Variants in BBS9 observed in about 807,000 individuals in gnomAD.
BBS9 encodes the protein protein PTHB1.
A neutral mutation model predicts 117.7 loss-of-function variants in BBS9; 89 were observed. The observed-to-expected ratio is 0.76, with a 90% CI of 0.64 to 0.90. The LOEUF (loss-of-function observed/expected upper bound fraction) is 0.90. Ranked by LOEUF, BBS9 falls within the 40% of genes least tolerant of loss-of-function variation. The pLI is 0.00. For missense variants in BBS9, 982 were observed against 1,042.2 expected (o/e 0.94, Z 0.80); for synonymous variants, 379 against 370.9 (o/e 1.02, Z -0.25).
In BBS9 at chr7:33,534,303, C is replaced by T. The variant is rs1400203127; in HGVS notation, c.2521+127C>T. ...ATGATAGCCAAGAAAATTGATTTCA[C>T]GTTTCCCCTCTGACATCCCAGGGTA... On this transcript the variant is annotated intron_variant, in intron 21 of 22. Transcript: ENST00000242067. 23 of 1,009,876 alleles carry T rather than the reference C, an allele frequency of 2.3e-5. No homozygotes were observed. The East Asian group carries it at 2.6e-4, about 11-fold the overall frequency. The allele number at this position is 1,009,876 out of a possible 1,614,324, so 62.6% of individuals were successfully genotyped here. A position where few individuals can be genotyped will look rare whatever the true frequency, so the allele number is the denominator to read the frequency against.
At chr7:33,424,786 T>C (rs1395296401) in intron 19 of BBS9, among the ~76,000 whole-genome samples, 1 of 152,124 alleles carries the variant, frequency 6.6e-6, no homozygotes, top group Non-Finnish European at 1.5e-5. Flanking sequence ...AATGGAAATG[T>C]ACTTCCTTGT....
intron 19 of BBS9, among the ~76,000 whole-genome samples, chr7:33,465,199 G>A (rs1371151203): frequency 6.6e-6 from 1 of 150,470 alleles, no homozygotes; most frequent in Non-Finnish European, 1.5e-5. Context: ...TGCTTTGGAG[G>A]TAATACTTTT....
chr7:33,463,883 A>C (rs1466764880), intron 19 of BBS9, among the ~76,000 whole-genome samples: 1 of 152,114 alleles, frequency 6.6e-6, no homozygotes, highest in Non-Finnish European at 1.5e-5. Flanking sequence ...TTATGTGGGT[A>C]TATGAAAACT....
At chr7:33,587,111 G>T (rs1188847271) in intron 21 of BBS9, among the ~76,000 whole-genome samples, 1 of 152,020 alleles carries the variant, frequency 6.6e-6, no homozygotes, top group Non-Finnish European at 1.5e-5. Flanking sequence ...GAGACCCAGG[G>T]TCAGGTGAAG....
rs140019445 is a variant in BBS9 at position 33,151,300 on chromosome 7, G to T, written c.113-1401G>T. Reference sequence around the variant, plus strand: ...CAATTCCAAATATGCTTGCATGTTTGCATGCCTGCAGTTTATTTTCTAGTG... The same window carrying T: ...CAATTCCAAATATGCTTGCATGTTTTCATGCCTGCAGTTTATTTTCTAGTG... On this transcript the variant is annotated intron_variant, in intron 2 of 22. Coordinates refer to ENST00000242067, the MANE Select transcript of BBS9 (RefSeq NM_198428.3). Among the ~76,000 whole-genome samples the T allele has an allele frequency of 2.0e-4, 31 of 151,990 alleles. No individual in the cohort carries two copies. In the East Asian group the frequency reaches 5.8e-3, roughly 28 times the overall value.
intron 1 of BBS9, among the ~76,000 whole-genome samples, chr7:33,145,720 T>G (rs1344355338): frequency 6.6e-6 from 1 of 152,148 alleles, no homozygotes; most frequent in African/African-American, 2.4e-5. Context: ...GATTGAAACC[T>G]GTGGATATGG....
At chr7:33,239,037 A>G (rs1299690656) in intron 5 of BBS9, among the ~76,000 whole-genome samples, 1 of 152,154 alleles carries the variant, frequency 6.6e-6, no homozygotes, top group Non-Finnish European at 1.5e-5. Context: ...AAAGCTTTTG[A>G]CGCATACTTT....
At chr7:33,494,537 C>G (rs1246332249) in intron 19 of BBS9, among the ~76,000 whole-genome samples, 1 of 152,140 alleles carries the variant, frequency 6.6e-6, no homozygotes, top group Non-Finnish European at 1.5e-5. Context: ...GTGGTAAACC[C>G]AATGAATAAC....
At chr7:33,470,587 C>G (rs1840871370) in intron 19 of BBS9, among the ~76,000 whole-genome samples, 1 of 152,112 alleles carries the variant, frequency 6.6e-6, no homozygotes, top group African/African-American at 2.4e-5. Context: ...GATGAATTCT[C>G]TATTTTCAAA....
intron 21 of BBS9, among the ~76,000 whole-genome samples, chr7:33,614,685 A>G (rs1266637865): frequency 6.6e-6 from 1 of 152,100 alleles, no homozygotes. Flanking sequence ...GGAGGCCCAG[A>G]GTGGACAGGT....
At chr7:33,494,346 A>C (rs1287914075) in intron 19 of BBS9, among the ~76,000 whole-genome samples, 1 of 152,210 alleles carries the variant, frequency 6.6e-6, no homozygotes, top group East Asian at 1.9e-4. Context: ...TCTAGAGTGC[A>C]CTTAAAACTG....
chr7:33,381,362 T>C (rs1824996023), intron 17 of BBS9, among the ~76,000 whole-genome samples: 1 of 152,190 alleles, frequency 6.6e-6, no homozygotes, highest in Non-Finnish European at 1.5e-5. Context: ...CCAAGTCTCC[T>C]GGGAGCTCCT....
intron 21 of BBS9, among the ~76,000 whole-genome samples, chr7:33,555,024 A>T (rs1031098294): frequency 5.3e-5 from 8 of 152,206 alleles, no homozygotes; most frequent in African/African-American, 1.2e-4. Context: ...TCTACCTGAG[A>T]TTCGTATAAA....
chr7:33,225,134 T>C (rs1469890397), intron 5 of BBS9, among the ~76,000 whole-genome samples: 2 of 152,200 alleles, frequency 1.3e-5, no homozygotes, highest in Admixed American at 1.3e-4. Flanking sequence ...GTTTTCATAT[T>C]ATAATAAACT....
intron 21 of BBS9, among the ~76,000 whole-genome samples, chr7:33,567,602 C>T (rs1205294579): frequency 6.6e-6 from 1 of 152,066 alleles, no homozygotes; most frequent in Non-Finnish European, 1.5e-5. Flanking sequence ...TTCTCATTTA[C>T]TGGGTGGTTT....
chr7:33,511,902 C>T (rs1198551472), intron 20 of BBS9, among the ~76,000 whole-genome samples: 1 of 152,184 alleles, frequency 6.6e-6, no homozygotes, highest in Non-Finnish European at 1.5e-5. Flanking sequence ...TGAGTGATGA[C>T]TGCGATGGCT....
Position 33,534,184 on chromosome 7 carries a change from C to T in BBS9, c.2521+8C>T, listed in dbSNP as rs1320186010. 1.2e-6 allele frequency: 2 copies of T among 1,612,090 alleles called. No homozygotes were observed. Among genetic ancestry groups the T allele is most frequent in the South Asian group, 1.1e-5 (1 of 90,992 alleles). On this transcript the variant is annotated splice_region_variant and intron_variant, in intron 21 of 22. Transcript: ENST00000242067. Reference sequence around the variant, plus strand: ...AGACCATGGTCATGCCAGGTAAGAGCTCTGTCCATGCTCCCTAATCACAAT... The same window carrying T: ...AGACCATGGTCATGCCAGGTAAGAGTTCTGTCCATGCTCCCTAATCACAAT...
At chr7:33,464,843 T>C (rs1839936669) in intron 19 of BBS9, among the ~76,000 whole-genome samples, 1 of 152,070 alleles carries the variant, frequency 6.6e-6, no homozygotes, top group Admixed American at 6.6e-5. Flanking sequence ...AATTTAATTT[T>C]GAGATAAGGT....
intron 19 of BBS9, among the ~76,000 whole-genome samples, chr7:33,436,721 G>C (rs1022591731): frequency 1.3e-5 from 2 of 152,154 alleles, no homozygotes; most frequent in African/African-American, 4.8e-5. Context: ...GCAATTACTT[G>C]ACTACACATC....
Sources: allele counts gnomAD v4.1 joint callset (sites outside exome capture counted in the v4.1 genomes callset), GRCh38; gene constraint gnomAD v4.1.1; transcripts MANE v1.5; gene names NCBI Gene and HGNC (gene_info 2026-07-23, HGNC 2026-07-21).